Variants in GOPC observed in about 807,000 individuals in gnomAD.
GOPC encodes the protein golgi associated PDZ and coiled-coil motif containing.
In GOPC, 32 loss-of-function variants were observed where a neutral mutation model predicts 51.2. The ratio of observed to expected loss-of-function variants is 0.63; its 90% CI spans 0.47 to 0.84. The LOEUF (loss-of-function observed/expected upper bound fraction) is 0.84, where lower values mean the gene tolerates loss of function less well. Ranked by LOEUF, GOPC falls within the 40% of genes least tolerant of loss-of-function variation. The pLI, the probability that GOPC is intolerant of heterozygous loss-of-function variation, is 0.00. For synonymous variants in GOPC, 190 were observed against 205.1 expected, an observed-to-expected ratio of 0.93 and a Z score of 0.63; for missense variants, 441 against 555.5, an observed-to-expected ratio of 0.79 and a Z score of 2.07.
intron 1 of GOPC, among the ~76,000 whole-genome samples, chr6:117,593,232 G>A (rs1184207636): frequency 6.6e-6 from 1 of 151,310 alleles, no homozygotes; most frequent in Non-Finnish European, 1.5e-5. Flanking sequence ...AGCAACTGAC[G>A]TGGGCTCCTA....
intron 1 of GOPC, among the ~76,000 whole-genome samples, chr6:117,586,429 C>G (rs1780033722): frequency 6.9e-6 from 1 of 144,138 alleles, no homozygotes; most frequent in Non-Finnish European, 1.5e-5. Flanking sequence ...GCAAAACTGT[C>G]TTTTTTCCTG....
chr6:117,569,185 T>C (rs888556437), intron 7 of GOPC, among the ~76,000 whole-genome samples: 2 of 152,230 alleles, frequency 1.3e-5, no homozygotes, highest in African/African-American at 4.8e-5. Context: ...AATCTACTTC[T>C]AGCACTGTCT....
At chr6:117,579,283 T>C (rs965288622) in intron 1 of GOPC, among the ~76,000 whole-genome samples, 15 of 152,124 alleles carry the variant, frequency 9.9e-5, no homozygotes, top group Non-Finnish European at 1.5e-4. Context: ...CTATAAGCTG[T>C]ATCTTCTAAT....
In GOPC at chr6:117,560,996, A is replaced by C. The variant is rs961361431; in HGVS notation, c.*2258T>G. The C allele has an allele frequency of 1.9e-5, 4 of 213,902 alleles. No individual in the cohort carries two copies. The highest frequency in any genetic ancestry group is 2.8e-5 in the Non-Finnish European group (3 of 105,866). The allele number at this position is 213,902 out of a possible 1,614,324, so 13.3% of individuals were successfully genotyped here. On this transcript the variant is annotated 3_prime_UTR_variant, in exon 9 of 9. Coordinates refer to ENST00000368498, the MANE Select transcript of GOPC (RefSeq NM_020399.4). ...AATAACTAATTCTTAGTTCATCCCCAAAAACCATACATTCTAAAATGAACT... is the reference window on the plus strand; with the variant it reads ...AATAACTAATTCTTAGTTCATCCCCCAAAACCATACATTCTAAAATGAACT...
chr6:117,597,936 T>C (rs1780224578), intron 1 of GOPC, among the ~76,000 whole-genome samples: 2 of 151,374 alleles, frequency 1.3e-5, no homozygotes, highest in Non-Finnish European at 2.9e-5. Flanking sequence ...AAAGGAATAC[T>C]ACTTAGCCAT....
chr6:117,600,775 T>A (rs1771989643), intron 1 of GOPC, among the ~76,000 whole-genome samples: 1 of 152,208 alleles, frequency 6.6e-6, no homozygotes, highest in Non-Finnish European at 1.5e-5. Context: ...AATCAAGAGA[T>A]GTTTTCATTT....
At chr6:117,592,835 CCTTT>C (rs1017221190) in intron 1 of GOPC, among the ~76,000 whole-genome samples, 2 of 152,212 alleles carry the variant, frequency 1.3e-5, no homozygotes, top group Admixed American at 6.5e-5. Context: ...TATCCTTAAC[CCTTT>C]CTCTTATCTC....
At chr6:117,582,951 C>T (rs1474058636) in intron 1 of GOPC, among the ~76,000 whole-genome samples, 1 of 151,906 alleles carries the variant, frequency 6.6e-6, no homozygotes, top group East Asian at 2.0e-4. Flanking sequence ...GTGCAGTGAG[C>T]TGATAATACA....
At chr6:117,575,501 A>G (rs1376115693) in intron 3 of GOPC, 149 bp from the exon 4 acceptor site, 1 of 778,456 alleles carries the variant, frequency 1.3e-6, no homozygotes, top group South Asian at 1.4e-5. Flanking sequence ...GTTCTTTTGA[A>G]CTAGTACCAT....
Position 117,602,252 on chromosome 6 carries a change from C to A in GOPC, c.37G>T (p.Gly13Trp), listed in dbSNP as rs770288613. 2 of 1,598,764 alleles carry A rather than the reference C, an allele frequency of 1.3e-6. No individual in the cohort carries two copies. Among genetic ancestry groups the A allele is most frequent in the South Asian group, 2.2e-5 (2 of 90,914 alleles). ...AGGPCPAAAG[G>W]GPGGASCSVG... The stretch of plus-strand genomic sequence containing the variant: ...GAGCAGGAGGCGCCCCCTGGGCCCC[C>A]TCCGGCTGCTGCTGGGCATGGACCG... Residue 13 changes from glycine (G) to tryptophan (W), a missense_variant, in exon 1 of 9, where the codon GGG becomes TGG. By Grantham distance (184) the Gly-to-Trp change is radical. Coordinates refer to ENST00000368498, the MANE Select transcript of GOPC (RefSeq NM_020399.4).
At chr6:117,570,563 C>T (rs1380746530) in intron 6 of GOPC, among the ~76,000 whole-genome samples, 2 of 151,806 alleles carry the variant, frequency 1.3e-5, no homozygotes, top group Non-Finnish European at 2.9e-5. Context: ...TAGAAGAAAA[C>T]AGCCACGTCT....
intron 1 of GOPC, among the ~76,000 whole-genome samples, chr6:117,585,480 TAA>T (rs1324118342): frequency 6.6e-6 from 1 of 152,184 alleles, no homozygotes; most frequent in Non-Finnish European, 1.5e-5. Flanking sequence ...GCTCTTTTGA[TAA>T]AGTTTTAGAA....
At position 117,573,651 on chromosome 6, in the gene GOPC, G is replaced by A. The variant is rs761681333; in HGVS notation, c.651-19C>T. On this transcript the variant is annotated intron_variant, in intron 4 of 8. Transcript: ENST00000368498. ...TTGGACCCTTCATATTGGGAAAAGA[G>A]TACATTGATTTTTCATTATATTCAC... 3.2e-6 allele frequency: 5 copies of A among 1,586,758 alleles called. No individual in the cohort carries two copies. The highest frequency in any genetic ancestry group is 3.4e-6 in the Non-Finnish European group (4 of 1,165,012).
intron 8 of GOPC, among the ~76,000 whole-genome samples, chr6:117,564,297 C>T (rs550202359): frequency 9.2e-5 from 14 of 152,212 alleles, no homozygotes; most frequent in Admixed American, 4.6e-4. Flanking sequence ...AGAAGTAATA[C>T]ATATAATTGT....
chr6:117,566,036 A>AC (rs920527268), intron 8 of GOPC, among the ~76,000 whole-genome samples: 14 of 152,174 alleles, frequency 9.2e-5, no homozygotes, highest in African/African-American at 3.1e-4. Flanking sequence ...CATCAAAGAT[A>AC]TTTTTAAGCA....
chr6:117,576,807 C>T (rs1303655822), intron 3 of GOPC, among the ~76,000 whole-genome samples: 3 of 151,992 alleles, frequency 2.0e-5, no homozygotes, highest in Non-Finnish European at 4.4e-5. Flanking sequence ...CTGTTTGTTA[C>T]TAGGTAACAC....
intron 2 of GOPC, 88 bp from the exon 3 acceptor site, chr6:117,577,559 C>G: frequency 9.7e-7 from 1 of 1,028,960 alleles, no homozygotes; most frequent in Non-Finnish European, 1.4e-6. Flanking sequence ...AGGAAAAATC[C>G]CACATGTTGG....
intron 1 of GOPC, among the ~76,000 whole-genome samples, chr6:117,580,142 G>A (rs1779936971): frequency 6.6e-6 from 1 of 152,068 alleles, no homozygotes. Flanking sequence ...GACTAGCAAA[G>A]GCAAAGTGGC....
chr6:117,585,944 C>A (rs911665799), intron 1 of GOPC, among the ~76,000 whole-genome samples: 2 of 152,202 alleles, frequency 1.3e-5, no homozygotes, highest in African/African-American at 4.8e-5. Context: ...GGCAATTTAA[C>A]TATAATGAAC....
Sources: allele counts gnomAD v4.1 joint callset (sites outside exome capture counted in the v4.1 genomes callset), GRCh38; gene constraint gnomAD v4.1.1; transcripts MANE v1.5; gene names NCBI Gene and HGNC (gene_info 2026-07-23, HGNC 2026-07-21).